Variants in MACROD2 observed in about 807,000 individuals in gnomAD.
MACROD2 encodes mono-ADP ribosylhydrolase 2.
MACROD2 carries 36 observed loss-of-function variants against 70.4 expected under a neutral mutation model. The ratio of observed to expected loss-of-function variants is 0.51; its 90% CI spans 0.39 to 0.68. The LOEUF (loss-of-function observed/expected upper bound fraction) is 0.68. MACROD2 is among the 30% of genes least tolerant of loss of function. The pLI, the probability that MACROD2 is intolerant of heterozygous loss-of-function variation, is 0.00. For missense variants in MACROD2, 496 were observed against 538.4 expected (o/e 0.92, Z 0.78); for synonymous variants, 172 against 178.8 (o/e 0.96, Z 0.30).
At chr20:15,134,157 C>CG (rs11480461) in intron 5 of MACROD2, among the ~76,000 whole-genome samples, 146,258 of 146,306 alleles carry the variant, frequency 1, 73,105 homozygotes, top group Middle Eastern at 1. Context: ...CCTCCCGCCT[C>CG]GCCTCCCAAA....
chr20:14,839,481 A>G (rs928717004), intron 5 of MACROD2, among the ~76,000 whole-genome samples: 1 of 152,106 alleles, frequency 6.6e-6, no homozygotes, highest in Non-Finnish European at 1.5e-5. Context: ...TCCAGTTGAC[A>G]CACACATGCA....
At chr20:15,137,225 C>T (rs1314545292) in intron 5 of MACROD2, among the ~76,000 whole-genome samples, 2 of 151,424 alleles carry the variant, frequency 1.3e-5, no homozygotes, top group Admixed American at 1.3e-4. Flanking sequence ...ACCCAAAGGA[C>T]TGTAAATCAT....
intron 8 of MACROD2, among the ~76,000 whole-genome samples, chr20:15,575,170 GT>G (rs937874328): frequency 1.1e-4 from 17 of 152,000 alleles, no homozygotes; most frequent in Non-Finnish European, 1.8e-4. Flanking sequence ...AGCTGTTTTT[GT>G]TTTGTTATAT....
intron 2 of MACROD2, among the ~76,000 whole-genome samples, chr20:14,031,554 C>A (rs983934428): frequency 2.2e-4 from 34 of 151,918 alleles, no homozygotes; most frequent in African/African-American, 8.0e-4. Flanking sequence ...AATTTTTTTC[C>A]TGGACATTGA....
chr20:14,076,091 A>C (rs1011203510), intron 2 of MACROD2, among the ~76,000 whole-genome samples: 1 of 152,222 alleles, frequency 6.6e-6, no homozygotes, highest in South Asian at 2.1e-4. Flanking sequence ...AAACTATATT[A>C]CTTTGTTTAC....
intron 5 of MACROD2, among the ~76,000 whole-genome samples, chr20:14,694,349 A>G (rs571403984): frequency 6.6e-6 from 1 of 152,306 alleles, no homozygotes; most frequent in South Asian, 2.1e-4. Flanking sequence ...ACCGAGGCCT[A>G]GGAAAATTAC....
At chr20:14,357,020 C>T (rs2083178899) in intron 3 of MACROD2, among the ~76,000 whole-genome samples, 2 of 152,164 alleles carry the variant, frequency 1.3e-5, no homozygotes, top group South Asian at 4.1e-4. Context: ...TATAACCTGT[C>T]CTCAGTAGTG....
rs574116119 is a variant in MACROD2 at position 15,346,600 on chromosome 20, C to T, written c.541-84805C>T. Among the ~76,000 whole-genome samples, 4 of 152,074 alleles carry T rather than the reference C, an allele frequency of 2.6e-5. No individual in the cohort carries two copies. The East Asian group carries it at 7.7e-4, about 29-fold the overall frequency. On this transcript the variant is annotated intron_variant, in intron 6 of 17. Transcript: ENST00000684519. ...TGTTGCCAGGGAAGGAATGTGTGTG[C>T]CGGGGGAAGGAGGAGGTCACAATGT...
rs992853805 is a variant in MACROD2 at position 15,198,794 on chromosome 20, A to G, written c.419-31146A>G. On this transcript the variant is annotated intron_variant, in intron 5 of 17. Transcript: ENST00000684519. Reference sequence around the variant, plus strand: ...GTTATTTCCATAGAAGAGACTCCGTAGAGTGTAGCAATCTGCTGGGAACTA... The same window carrying G: ...GTTATTTCCATAGAAGAGACTCCGTGGAGTGTAGCAATCTGCTGGGAACTA... 2.6e-5 allele frequency among the ~76,000 whole-genome samples: 4 copies of G among 152,312 alleles called. No homozygotes were observed. In the East Asian group the frequency reaches 7.7e-4, roughly 29 times the overall value.
At chr20:15,280,282 T>C (rs1424532201) in intron 6 of MACROD2, among the ~76,000 whole-genome samples, 1 of 151,968 alleles carries the variant, frequency 6.6e-6, no homozygotes, top group Non-Finnish European at 1.5e-5. Context: ...AATGTGTGAA[T>C]AGAGAGGCAA....
chr20:15,277,418 T>C (rs1434136824), intron 6 of MACROD2, among the ~76,000 whole-genome samples: 3 of 152,208 alleles, frequency 2.0e-5, no homozygotes, highest in Non-Finnish European at 4.4e-5. Flanking sequence ...TTGAATAATG[T>C]AGGGGATGGG....
At position 14,970,210 on chromosome 20, in the gene MACROD2, G is replaced by A. The variant is rs536793719; in HGVS notation, c.419-259730G>A. ...CCCCTTATACAACCATCACCCCCAT[G>A]ATTCAATTGCCTTCTACCAGGTCCC... On this transcript the variant is annotated intron_variant, in intron 5 of 17. Transcript: ENST00000684519. 4.6e-5 allele frequency among the ~76,000 whole-genome samples: 7 copies of A among 152,176 alleles called. 1 individual carries two copies. The highest frequency in any genetic ancestry group is 1.4e-4 in the African/African-American group (6 of 41,514).
At chr20:15,880,715 T>C (rs1408564621) in intron 9 of MACROD2, among the ~76,000 whole-genome samples, 1 of 152,010 alleles carries the variant, frequency 6.6e-6, no homozygotes, top group Non-Finnish European at 1.5e-5. Context: ...GTTAATTCTC[T>C]AGTATTACTT....
At chr20:15,801,740 T>C (rs2063728559) in intron 8 of MACROD2, among the ~76,000 whole-genome samples, 1 of 152,134 alleles carries the variant, frequency 6.6e-6, no homozygotes, top group African/African-American at 2.4e-5. Flanking sequence ...GTGAAAAATA[T>C]CATTGGCATT....
intron 5 of MACROD2, among the ~76,000 whole-genome samples, chr20:14,999,851 G>A (rs1056375817): frequency 6.6e-6 from 1 of 152,164 alleles, no homozygotes; most frequent in Non-Finnish European, 1.5e-5. Flanking sequence ...GCAAAGGCAT[G>A]AACAAAATTT....
At chr20:15,091,658 G>A (rs1210333915) in intron 5 of MACROD2, among the ~76,000 whole-genome samples, 2 of 152,122 alleles carry the variant, frequency 1.3e-5, no homozygotes, top group Non-Finnish European at 2.9e-5. Flanking sequence ...TACCACAGTA[G>A]TTGTTTTTGA....
chr20:14,774,023 T>C (rs1439071333), intron 5 of MACROD2, among the ~76,000 whole-genome samples: 1 of 152,108 alleles, frequency 6.6e-6, no homozygotes, highest in Non-Finnish European at 1.5e-5. Context: ...ACAGATTGTA[T>C]GTCTTATCTT....
chr20:15,030,565 C>G (rs1316819600), intron 5 of MACROD2, among the ~76,000 whole-genome samples: 1 of 152,200 alleles, frequency 6.6e-6, no homozygotes, highest in African/African-American at 2.4e-5. Flanking sequence ...GCATCTTTCT[C>G]TCACTACTTG....
chr20:15,115,778 T>A (rs568043193), intron 5 of MACROD2, among the ~76,000 whole-genome samples: 5 of 152,138 alleles, frequency 3.3e-5, no homozygotes, highest in Non-Finnish European at 7.4e-5. Context: ...GTATACTGTA[T>A]GTAGCGATGA....
Sources: gnomAD v4.1 joint callset for allele counts (sites outside exome capture counted in the v4.1 genomes callset) on GRCh38, gnomAD v4.1.1 for gene constraint, MANE v1.5 for transcripts, NCBI Gene and HGNC (gene_info 2026-07-23, HGNC 2026-07-21) for gene names.